Variants in ECD observed in about 807,000 individuals in gnomAD.
ECD encodes the protein protein ecdysoneless homolog.
Under a neutral mutation model 77.2 loss-of-function variants are expected in ECD, and 59 were observed. That is an observed-to-expected ratio of 0.76 (90% CI 0.62 to 0.95). The LOEUF (loss-of-function observed/expected upper bound fraction) is 0.95, where lower values mean the gene tolerates loss of function less well. ECD is among the 40% of genes least tolerant of loss of function. ECD has a pLI of 0.00. For synonymous variants in ECD, 233 were observed against 267.4 expected, an observed-to-expected ratio of 0.87 and a Z score of 1.26; for missense variants, 704 against 763.4, an observed-to-expected ratio of 0.92 and a Z score of 0.92.
At chr10:73,153,240 CCCA>C (rs1229700805) in intron 6 of ECD, among the ~76,000 whole-genome samples, 2 of 151,710 alleles carry the variant, frequency 1.3e-5, no homozygotes, top group Non-Finnish European at 2.9e-5. Flanking sequence ...ATTACAGGCG[CCCA>C]CCACCACACC....
At chr10:73,163,445 T>C (rs189092208) in intron 2 of ECD, among the ~76,000 whole-genome samples, 2 of 152,334 alleles carry the variant, frequency 1.3e-5, no homozygotes, top group East Asian at 3.9e-4. Flanking sequence ...GATACTTAGA[T>C]ACATTATGGC....
chr10:73,142,562 A>T (rs1843072541), intron 9 of ECD, among the ~76,000 whole-genome samples: 1 of 136,688 alleles, frequency 7.3e-6, no homozygotes, highest in Admixed American at 8.6e-5. Flanking sequence ...TGAACCCGGG[A>T]GGTGGAGGCT....
intron 7 of ECD, among the ~76,000 whole-genome samples, chr10:73,151,494 T>C (rs937908824): frequency 9.9e-5 from 15 of 151,574 alleles, no homozygotes; most frequent in African/African-American, 3.2e-4. Flanking sequence ...ACCTGCACGT[T>C]GTGCACATGT....
In ECD at chr10:73,147,137, T is replaced by C. The variant is rs574252445; in HGVS notation, c.1042-776A>G. Among the ~76,000 whole-genome samples, 88 of 152,224 alleles carry C rather than the reference T, an allele frequency of 5.8e-4. 2 individuals carry two copies. In the South Asian group the frequency reaches 7.1e-3, roughly 12 times the overall value. The stretch of plus-strand genomic sequence containing the variant: ...TGGCACATGCCTAGTCTCAGCTATT[T>C]GAAAGGCTGAGGCAGGAGGATCACT... On this transcript the variant is annotated intron_variant, in intron 8 of 13. Transcript: ENST00000372979.
intron 6 of ECD, among the ~76,000 whole-genome samples, chr10:73,153,725 CAAAAAAA>C (rs201711578): frequency 0.26 from 10,615 of 41,322 alleles, 481 homozygotes; most frequent in East Asian, 0.46. Flanking sequence ...GACTCTGTCT[CAAAAAAA>C]AAAAAAAAAA....
chr10:73,148,111 T>C (rs754906077), intron 8 of ECD, among the ~76,000 whole-genome samples, 165 bp downstream of exon 8: 1 of 152,216 alleles, frequency 6.6e-6, no homozygotes, highest in Non-Finnish European at 1.5e-5. Context: ...AGTTCATAGA[T>C]ACCTCCTTCA....
intron 8 of ECD, 22 bp from the exon 9 acceptor site, chr10:73,146,383 ATC>A: frequency 2.7e-6 from 4 of 1,505,980 alleles, no homozygotes; most frequent in Non-Finnish European, 3.6e-6. Context: ...AAAAAGGTCT[ATC>A]AGAACATTAC....
At chr10:73,157,371 AT>A (rs1843309957) in intron 3 of ECD, among the ~76,000 whole-genome samples, 1 of 151,564 alleles carries the variant, frequency 6.6e-6, no homozygotes, top group South Asian at 2.1e-4. Context: ...TTTAAATTTA[AT>A]TTTTTAAAAT....
intron 7 of ECD, 58 bp downstream of exon 7, chr10:73,152,235 T>G (rs959223658): frequency 1.1e-4 from 166 of 1,575,112 alleles, no homozygotes; most frequent in Non-Finnish European, 1.4e-4. Flanking sequence ...GTGCCACTAT[T>G]CTATTAAGAG....
At chr10:73,141,149 G>A (rs572834992) in intron 9 of ECD, among the ~76,000 whole-genome samples, 133 of 152,132 alleles carry the variant, frequency 8.7e-4, no homozygotes, top group Non-Finnish European at 1.4e-3. Context: ...GTATTACCCA[G>A]GAGGCGGAGG....
intron 6 of ECD, 96 bp from the exon 7 acceptor site, chr10:73,152,517 G>T: frequency 7.2e-7 from 1 of 1,385,210 alleles, no homozygotes; most frequent in Non-Finnish European, 9.9e-7. Flanking sequence ...CCATTTATAA[G>T]CTTCATATTC....
chr10:73,139,928 C>T (rs760562573), intron 9 of ECD, among the ~76,000 whole-genome samples, 191 bp from the exon 10 acceptor site: 2 of 150,258 alleles, frequency 1.3e-5, no homozygotes, highest in Non-Finnish European at 3.0e-5. Flanking sequence ...AAATGATCCT[C>T]CCACTTCATC....
At position 73,163,838 on chromosome 10, in the gene ECD, T is replaced by C; in HGVS notation, c.100A>G (p.Ile34Val). The C allele has an allele frequency of 1.2e-6, 2 of 1,614,162 alleles. No individual in the cohort carries two copies. The highest frequency in any genetic ancestry group is 1.7e-6 in the Non-Finnish European group (2 of 1,180,016). The change falls in exon 2 of 14, where the codon ATT becomes GTT. Residue 34 changes from isoleucine (I) to valine (V), a missense_variant. By Grantham distance (29) the Ile-to-Val change is conservative. Transcript: ENST00000372979. ...ATTCTCTCAATGTACTTCTGAAGAA[T>C]CTCTTTATGTTTATCTGAGTCCCTT... is the stretch of plus-strand genomic sequence containing the variant. ...ESRDSDKHKE[I>V]LQKYIERIIT...
intron 12 of ECD, 36 bp from the exon 13 acceptor site, chr10:73,136,954 A>T: frequency 1.0e-6 from 1 of 992,538 alleles, no homozygotes; most frequent in Non-Finnish European, 1.3e-6. Context: ...GCCACTTAGT[A>T]ATTATTATTA....
intron 8 of ECD, among the ~76,000 whole-genome samples, chr10:73,146,927 T>C (rs1414605679): frequency 1.3e-5 from 2 of 152,314 alleles, no homozygotes; most frequent in Middle Eastern, 3.4e-3. Context: ...TAGTCATACT[T>C]AGTATTTTAC....
At position 73,147,473 on chromosome 10, in the gene ECD, C is replaced by G. The variant is rs571561481; in HGVS notation, c.1041+803G>C. On this transcript the variant is annotated intron_variant, in intron 8 of 13. Coordinates refer to ENST00000372979, the MANE Select transcript of ECD (RefSeq NM_007265.3). ...TGAGGCTGAGGAGAATCGCTTGAAC[C>G]TAGGAGGTAGAGGTTGTAGTGAGCC... Among the ~76,000 whole-genome samples the G allele has an allele frequency of 2.3e-4, 35 of 151,890 alleles. 2 individuals are homozygous for G. The East Asian group carries it at 3.7e-3, about 16-fold the overall frequency.
intron 9 of ECD, among the ~76,000 whole-genome samples, chr10:73,142,568 A>G (rs1843072679): frequency 7.1e-6 from 1 of 141,760 alleles, no homozygotes; most frequent in East Asian, 2.2e-4. Flanking sequence ...CGGGAGGTGG[A>G]GGCTGCGGTG....
In ECD at chr10:73,167,940, C is replaced by A; in HGVS notation, c.-88G>T. ...CGCCTCTCCGACTGCGAGAGCTGATCGAGAGCTGCCACCGGCCGCCGAAGC... is the reference window on the plus strand; with the variant it reads ...CGCCTCTCCGACTGCGAGAGCTGATAGAGAGCTGCCACCGGCCGCCGAAGC... On this transcript the variant is annotated 5_prime_UTR_variant, in exon 1 of 14. Coordinates refer to ENST00000372979, the MANE Select transcript of ECD (RefSeq NM_007265.3). 4.5e-6 allele frequency: 1 copy of A among 220,124 alleles called. No homozygotes were observed. The highest frequency in any genetic ancestry group is 5.7e-5 in the Admixed American group (1 of 17,518). 13.6% of individuals were successfully genotyped at this position (220,124 alleles called of 1,614,324 possible).
At chr10:73,147,346 G>A (rs186444665) in intron 8 of ECD, among the ~76,000 whole-genome samples, 4 of 152,196 alleles carry the variant, frequency 2.6e-5, no homozygotes, top group East Asian at 3.9e-4. Flanking sequence ...TCAGGAGTCC[G>A]AGACCAGCCT....
Sources: allele counts gnomAD v4.1 joint callset (sites outside exome capture counted in the v4.1 genomes callset), GRCh38; gene constraint gnomAD v4.1.1; transcripts MANE v1.5; gene names NCBI Gene and HGNC (gene_info 2026-07-23, HGNC 2026-07-21).